Variants in GGT5 observed in about 807,000 individuals in gnomAD.
GGT5 encodes the protein glutathione hydrolase 5 proenzyme.
A neutral mutation model predicts 58.1 loss-of-function variants in GGT5; 50 were observed. The observed-to-expected ratio is 0.86, with a 90% CI of 0.69 to 1.09. GGT5 has a LOEUF of 1.09. Ranked by LOEUF, GGT5 falls within the 50% of genes least tolerant of loss-of-function variation. The pLI, the probability that GGT5 is intolerant of heterozygous loss-of-function variation, is 0.00. For missense variants in GGT5, 800 were observed against 789.4 expected (o/e 1.01, Z -0.16); for synonymous variants, 370 against 346.1 (o/e 1.07, Z -0.77).
At chr22:24,227,371 C>CAAGTAGA (rs1308918586) in intron 6 of GGT5, among the ~76,000 whole-genome samples, 3 of 152,166 alleles carry the variant, frequency 2.0e-5, no homozygotes, top group Non-Finnish European at 2.9e-5. Context: ...CTCAGCCTCC[C>CAAGTAGA]AAGTAGCTAG....
intron 11 of GGT5, 99 bp from the exon 12 acceptor site, chr22:24,220,215 A>G (rs940726529): frequency 8.4e-7 from 1 of 1,188,240 alleles, no homozygotes; most frequent in South Asian, 1.4e-5. Context: ...ATCAAAAGGC[A>G]AGACGGAGAG....
At chr22:24,237,686 C>T (rs556730666) in intron 1 of GGT5, among the ~76,000 whole-genome samples, 5 of 152,128 alleles carry the variant, frequency 3.3e-5, no homozygotes, top group African/African-American at 1.2e-4. Context: ...GGATTACAAG[C>T]GTGAGCCACC....
intron 11 of GGT5, among the ~76,000 whole-genome samples, 173 bp downstream of exon 11, chr22:24,224,823 T>C (rs1005053508): frequency 6.6e-6 from 1 of 152,182 alleles, no homozygotes; most frequent in East Asian, 1.9e-4. Context: ...AGAACTGGCC[T>C]GGAGGCCACT....
chr22:24,229,410 G>A (rs553553254), intron 6 of GGT5, among the ~76,000 whole-genome samples: 1 of 146,102 alleles, frequency 6.8e-6, no homozygotes, highest in East Asian at 2.2e-4. Context: ...TGTCTCAGAG[G>A]AAAAGAAAAA....
chr22:24,222,892 A>T (rs1026134045), intron 11 of GGT5, among the ~76,000 whole-genome samples: 3 of 151,976 alleles, frequency 2.0e-5, no homozygotes, highest in African/African-American at 4.8e-5. Context: ...CCTGGCTAAC[A>T]CGGTGAAACC....
intron 4 of GGT5, among the ~76,000 whole-genome samples, chr22:24,232,432 A>G (rs1361442282): frequency 2.0e-5 from 3 of 152,098 alleles, no homozygotes; most frequent in African/African-American, 7.2e-5. Flanking sequence ...CAAATTTCCC[A>G]GTGGGGCCTG....
At position 24,231,333 on chromosome 22, in the gene GGT5, CG is replaced by C. The variant is rs1453158008; in HGVS notation, c.901+50del. Reference sequence around the variant, plus strand: ...GCTTGGAGTCTGAGTTCCCGGGGGCCGGGGGTGCGGGGGAGGGGGTGGGCGC... The same window carrying C: ...GCTTGGAGTCTGAGTTCCCGGGGGCCGGGGTGCGGGGGAGGGGGTGGGCGC... On this transcript the variant is annotated intron_variant, in intron 6 of 11. Coordinates refer to ENST00000327365, the MANE Select transcript of GGT5 (RefSeq NM_004121.5). 4.7e-5 allele frequency: 43 copies of C among 909,478 alleles called. No homozygotes were observed. In the African/African-American group the frequency reaches 8.7e-4, roughly 18 times the overall value. The allele number at this position is 909,478 out of a possible 1,614,324, so 56.3% of individuals were successfully genotyped here.
In GGT5 at chr22:24,231,415, G is replaced by A. The variant is rs1464805392; in HGVS notation, c.870C>T (p.Ala290=). 5 of 1,554,912 alleles carry A rather than the reference G, an allele frequency of 3.2e-6. No individual in the cohort carries two copies. The Admixed American group carries it at 9.7e-5, about 30-fold the overall frequency. ...GCACGTTGAGGATAAAGCTGAGAAT[G>A]GCACCCCCTGCAGGCGGCGGTGGTG... is the stretch of plus-strand genomic sequence containing the variant. The part of the protein sequence containing the change: ...LYSPPPPAGG[A]ILSFILNVLR... Residue 290 remains alanine (A), a synonymous_variant, in exon 6 of 12, where the codon GCC becomes GCT. Transcript: ENST00000327365.
intron 1 of GGT5, among the ~76,000 whole-genome samples, chr22:24,238,874 AATATATATTATATATT>A (rs2048222125): frequency 1.8e-3 from 19 of 10,274 alleles, no homozygotes; most frequent in East Asian, 7.4e-3. Context: ...TAATATATAT[AATATATATTATATATT>A]TTATATATAT....
chr22:24,236,212 T>C (rs1363042191), intron 1 of GGT5, among the ~76,000 whole-genome samples: 6 of 152,230 alleles, frequency 3.9e-5, no homozygotes, highest in African/African-American at 1.4e-4. Context: ...CCCTGCGAAA[T>C]GGCTCCTCTC....
chr22:24,238,178 G>A (rs1192601863), intron 1 of GGT5, among the ~76,000 whole-genome samples: 1 of 146,062 alleles, frequency 6.8e-6, no homozygotes, highest in Admixed American at 7.1e-5. Flanking sequence ...GCAGGAAGCC[G>A]AGATCTTCCC....
chr22:24,239,531 G>A (rs537601644), intron 1 of GGT5, among the ~76,000 whole-genome samples: 1 of 152,176 alleles, frequency 6.6e-6, no homozygotes, highest in Non-Finnish European at 1.5e-5. Flanking sequence ...GCAGGAAAGA[G>A]TATACATGAA....
chr22:24,235,579 C>A (rs147078598), intron 1 of GGT5, among the ~76,000 whole-genome samples: 1 of 152,200 alleles, frequency 6.6e-6, no homozygotes, highest in Non-Finnish European at 1.5e-5. Flanking sequence ...ATGGGCACCA[C>A]AGGGACACAT....
intron 1 of GGT5, among the ~76,000 whole-genome samples, chr22:24,240,550 G>A (rs531224182): frequency 5.7e-4 from 86 of 151,358 alleles, no homozygotes; most frequent in African/African-American, 1.7e-3. Context: ...GTGCAGCGAC[G>A]TGATCTTGGC....
intron 1 of GGT5, among the ~76,000 whole-genome samples, chr22:24,238,946 AT>A (rs1187944198): frequency 2.7e-4 from 11 of 40,514 alleles, no homozygotes; most frequent in African/African-American, 1.0e-3. Context: ...TATAATATAT[AT>A]ATATATATAT....
intron 6 of GGT5, 140 bp from the exon 7 acceptor site, chr22:24,226,907 G>GC: frequency 1.9e-6 from 1 of 536,488 alleles, no homozygotes; most frequent in South Asian, 2.7e-5. Context: ...CAGCACAAGA[G>GC]TGACTAATAC....
At chr22:24,227,650 G>A (rs549114555) in intron 6 of GGT5, among the ~76,000 whole-genome samples, 4 of 136,196 alleles carry the variant, frequency 2.9e-5, no homozygotes, top group South Asian at 2.3e-4. Context: ...ATAGAGGAGA[G>A]GACACACAGC....
Position 24,226,080 on chromosome 22 carries a change from T to G in GGT5, c.1225A>C (p.Thr409Pro). 6.3e-7 allele frequency: 1 copy of G among 1,592,064 alleles called. No homozygotes were observed. The highest frequency in any genetic ancestry group is 8.6e-7 in the Non-Finnish European group (1 of 1,167,156). The change falls in exon 8 of 12, where the codon ACA (threonine) becomes CCA (proline). Residue 409 changes from threonine to proline, a missense_variant. Thr to Pro is a conservative substitution (Grantham distance 38). Transcript: ENST00000327365. ...CTTCCCCCAGGCCCTACGCACGGTG[T>G]GTTGATGGTGCTGGTGGCAGCCACG... ...SAVAATSTIN[T>P]PFGAMVYSPR...
At chr22:24,233,775 C>T in intron 2 of GGT5, 99 bp downstream of exon 2, 1 of 1,254,396 alleles carries the variant, frequency 8.0e-7, no homozygotes, top group Non-Finnish European at 1.2e-6. Flanking sequence ...CCAAGAACAC[C>T]CAGAAACGGG....
Sources: gnomAD v4.1 joint callset for allele counts (sites outside exome capture counted in the v4.1 genomes callset) on GRCh38, gnomAD v4.1.1 for gene constraint, MANE v1.5 for transcripts, NCBI Gene and HGNC (gene_info 2026-07-23, HGNC 2026-07-21) for gene names.